Variants in CERK observed in about 807,000 individuals in gnomAD.
CERK encodes the protein ceramide kinase.
In CERK, 39 loss-of-function variants were observed where a neutral mutation model predicts 63.4. That is an observed-to-expected ratio of 0.61 (90% CI 0.48 to 0.80). The LOEUF is 0.80. Ranked by LOEUF, CERK falls within the 30% of genes least tolerant of loss-of-function variation. The probability of loss-of-function intolerance (pLI) is 0.00; values close to 1 mark genes in which losing one functional copy is unlikely to be tolerated. For missense variants in CERK, 670 were observed against 714.1 expected, an observed-to-expected ratio of 0.94 and a Z score of 0.70; for synonymous variants, 302 against 280.0, an observed-to-expected ratio of 1.08 and a Z score of -0.78.
intron 4 of CERK, 75 bp downstream of exon 4, chr22:46,712,093 G>C: frequency 6.5e-7 from 1 of 1,545,982 alleles, no homozygotes; most frequent in Non-Finnish European, 8.9e-7. Flanking sequence ...TCTAGAAAAA[G>C]CAGAAACGTC....
Position 46,690,205 on chromosome 22 carries a change from C to G in CERK, c.1333-5G>C, listed in dbSNP as rs1402431789. On this transcript the variant is annotated splice_polypyrimidine_tract_variant and splice_region_variant and intron_variant, in intron 11 of 12. Coordinates refer to ENST00000216264, the MANE Select transcript of CERK (RefSeq NM_022766.6). ...TTCAACAAAAGTGAAGTCAAACTACCAAGAAACAGTGAGAGGGACCATTCA... is the reference window on the plus strand; with the variant it reads ...TTCAACAAAAGTGAAGTCAAACTACGAAGAAACAGTGAGAGGGACCATTCA... 2.5e-6 allele frequency: 4 copies of G among 1,613,102 alleles called. No individual in the cohort carries two copies. The highest frequency in any genetic ancestry group is 3.4e-6 in the Non-Finnish European group (4 of 1,179,582).
At chr22:46,716,990 C>T (rs538210885) in intron 3 of CERK, among the ~76,000 whole-genome samples, 1 of 151,784 alleles carries the variant, frequency 6.6e-6, no homozygotes, top group African/African-American at 2.4e-5. Flanking sequence ...AGAAAGATAA[C>T]AACCAAACGG....
At chr22:46,723,135 C>A (rs749329247) in intron 1 of CERK, among the ~76,000 whole-genome samples, 35 of 152,164 alleles carry the variant, frequency 2.3e-4, no homozygotes, top group African/African-American at 8.2e-4. Context: ...CCACACTGGA[C>A]CTGCAGCAAG....
At chr22:46,707,637 C>T (rs753727592) in intron 6 of CERK, among the ~76,000 whole-genome samples, 13 of 152,224 alleles carry the variant, frequency 8.5e-5, no homozygotes, top group Non-Finnish European at 1.3e-4. Flanking sequence ...TTGGGGGAGT[C>T]GGGCAACTTT....
At chr22:46,699,269 G>T (rs377176933) in intron 8 of CERK, 44 bp downstream of exon 8, 3 of 1,601,464 alleles carry the variant, frequency 1.9e-6, no homozygotes, top group Non-Finnish European at 2.6e-6. Flanking sequence ...GAAGGCAGTC[G>T]GGGCACGACC....
chr22:46,732,500 G>A (rs1164080637), intron 1 of CERK, among the ~76,000 whole-genome samples: 6 of 152,120 alleles, frequency 3.9e-5, no homozygotes, highest in South Asian at 4.2e-4. Flanking sequence ...GTATCTTCTC[G>A]AGTATGAAAG....
intron 3 of CERK, among the ~76,000 whole-genome samples, chr22:46,716,261 A>C (rs2082865758): frequency 6.7e-6 from 1 of 149,210 alleles, no homozygotes; most frequent in African/African-American, 2.5e-5. Flanking sequence ...CATGATCTCG[A>C]CTCACTGCAA....
At chr22:46,721,948 G>A (rs181671849) in intron 1 of CERK, among the ~76,000 whole-genome samples, 188 of 152,302 alleles carry the variant, frequency 1.2e-3, no homozygotes, top group African/African-American at 4.3e-3. Flanking sequence ...GAAAGTTCTG[G>A]GCTGGCAGCA....
chr22:46,708,858 G>T (rs1192881168), intron 5 of CERK, among the ~76,000 whole-genome samples: 1 of 152,108 alleles, frequency 6.6e-6, no homozygotes, highest in Admixed American at 6.5e-5. Context: ...GGGAAGGTCC[G>T]CCGGTAGAGG....
intron 6 of CERK, among the ~76,000 whole-genome samples, chr22:46,702,512 C>T (rs1354397213): frequency 6.6e-6 from 1 of 152,158 alleles, no homozygotes; most frequent in Non-Finnish European, 1.5e-5. Context: ...AGGCTGGTCT[C>T]TAACTGTTGA....
intron 5 of CERK, among the ~76,000 whole-genome samples, chr22:46,710,339 C>G (rs2082834259): frequency 6.6e-6 from 1 of 150,906 alleles, no homozygotes; most frequent in Non-Finnish European, 1.5e-5. Flanking sequence ...GAGGTTGAGG[C>G]AGGAGAATCA....
chr22:46,699,473 A>G lies in CERK; in HGVS notation c.791-8T>C, dbSNP rs1226750395. 2.5e-6 allele frequency: 4 copies of G among 1,613,794 alleles called. No homozygotes were observed. The highest frequency in any genetic ancestry group is 3.4e-6 in the Non-Finnish European group (4 of 1,179,894). ...CCATGGCCAGCGAGTCCCCTGTGGG[A>G]GAGAACGGCCGTGAGGGAAGGCAGC... On this transcript the variant is annotated splice_polypyrimidine_tract_variant and splice_region_variant and intron_variant, in intron 7 of 12. Transcript: ENST00000216264.
intron 5 of CERK, 89 bp from the exon 6 acceptor site, chr22:46,708,077 G>A (rs2082822848): frequency 6.3e-6 from 9 of 1,422,808 alleles, no homozygotes; most frequent in Non-Finnish European, 8.4e-6. Flanking sequence ...AGGAGGGGCA[G>A]CCTGCACACC....
intron 8 of CERK, among the ~76,000 whole-genome samples, chr22:46,698,021 C>T (rs956003372): frequency 4.6e-5 from 7 of 152,216 alleles, no homozygotes; most frequent in South Asian, 2.1e-4. Flanking sequence ...CTGCATGTTC[C>T]GAAGCCCACC....
At chr22:46,709,683 C>G (rs1381612823) in intron 5 of CERK, among the ~76,000 whole-genome samples, 1 of 152,128 alleles carries the variant, frequency 6.6e-6, no homozygotes, top group African/African-American at 2.4e-5. Flanking sequence ...CCAGATGGAA[C>G]AGAGAGAAGA....
At chr22:46,704,549 G>A (rs778167464) in intron 6 of CERK, among the ~76,000 whole-genome samples, 17 of 152,172 alleles carry the variant, frequency 1.1e-4, no homozygotes, top group Admixed American at 4.6e-4. Context: ...GTGACAGGCC[G>A]GGCATGGTGG....
At chr22:46,719,690 A>T (rs1268634081) in intron 3 of CERK, among the ~76,000 whole-genome samples, 5 of 152,176 alleles carry the variant, frequency 3.3e-5, no homozygotes, top group Admixed American at 2.6e-4. Context: ...AAAGAAAAGA[A>T]AAGAAAAAAG....
Position 46,738,145 on chromosome 22 carries a change from C to A in CERK, c.4G>T (p.Gly2Trp). ...AGCGGCTCCGCCGCCCCCGTCGCCC[C>A]CATCTCCGCCGCCGGGCTCGTCCGC... M[G>W]ATGAAEPLQS... Residue 2 changes from glycine (G) to tryptophan (W), a missense_variant, in exon 1 of 13, where the codon GGG becomes TGG. Coordinates refer to ENST00000216264, the MANE Select transcript of CERK (RefSeq NM_022766.6). 8.3e-7 allele frequency: 1 copy of A among 1,197,988 alleles called. No homozygotes were observed. Among genetic ancestry groups the A allele is most frequent in the Non-Finnish European group, 1.0e-6 (1 of 965,174 alleles). The allele number at this position is 1,197,988 out of a possible 1,614,324, so 74.2% of individuals were successfully genotyped here.
chr22:46,719,991 T>A, intron 3 of CERK, 95 bp downstream of exon 3: 1 of 1,509,484 alleles, frequency 6.6e-7, no homozygotes, highest in Non-Finnish European at 9.0e-7. Flanking sequence ...TATGGCCAGC[T>A]GCACGAAACG....
Sources: allele counts gnomAD v4.1 joint callset (sites outside exome capture counted in the v4.1 genomes callset), GRCh38; gene constraint gnomAD v4.1.1; transcripts MANE v1.5; gene names NCBI Gene and HGNC (gene_info 2026-07-23, HGNC 2026-07-21).